Variants in SYNJ1 observed in about 807,000 individuals in gnomAD.
The protein encoded by SYNJ1 is polyphosphatidylinositol phosphatase SYNJ1.
Under a neutral mutation model 168.2 loss-of-function variants are expected in SYNJ1, and 78 were observed. The observed-to-expected ratio is 0.46, with a 90% CI of 0.39 to 0.56. The LOEUF is 0.56. Among genes scored for constraint, SYNJ1 ranks in the 20% least tolerant of loss-of-function variants. SYNJ1 has a pLI of 0.00. For missense variants in SYNJ1, 1,303 were observed against 1,597.6 expected (o/e 0.82, Z 3.14); for synonymous variants, 539 against 548.6 (o/e 0.98, Z 0.24).
intron 2 of SYNJ1, among the ~76,000 whole-genome samples, chr21:32,705,250 T>C (rs1351359191): frequency 6.6e-6 from 1 of 151,914 alleles, no homozygotes; most frequent in Non-Finnish European, 1.5e-5. Flanking sequence ...CATATACATA[T>C]ATAGTTACAT....
chr21:32,664,676 C>T (rs564460803), intron 18 of SYNJ1, among the ~76,000 whole-genome samples: 22 of 152,186 alleles, frequency 1.4e-4, no homozygotes, highest in Non-Finnish European at 2.6e-4. Context: ...GACGTGAGTC[C>T]GCTGCTGCTC....
chr21:32,668,582 T>C (rs1175177593), intron 15 of SYNJ1, among the ~76,000 whole-genome samples: 1 of 152,220 alleles, frequency 6.6e-6, no homozygotes. Context: ...TTTTGCCTAA[T>C]AAAATATTTG....
In SYNJ1 at chr21:32,653,296, C is replaced by G; in HGVS notation, c.2866G>C (p.Gly956Arg). ...AACAAATGCTACCTTACCTCTTTAC[C>G]ATTTAGGCTCAGAACATTCAAGGCA... ...SSALNVLSLNGKELLNRTITI... is the reference protein window; with the variant it reads ...SSALNVLSLNRKELLNRTITI... Residue 956 changes from glycine (G) to arginine (R), a missense_variant, in exon 22 of 33, where the codon GGT becomes CGT. Coordinates refer to ENST00000674351, the MANE Select transcript of SYNJ1 (RefSeq NM_203446.3). 1 of 1,612,952 alleles carries G rather than the reference C, an allele frequency of 6.2e-7. No individual in the cohort carries two copies.
chr21:32,668,991 GA>G (rs1282339987), intron 15 of SYNJ1, among the ~76,000 whole-genome samples: 4 of 148,056 alleles, frequency 2.7e-5, no homozygotes, highest in Admixed American at 1.3e-4. Context: ...ATACTTGCAG[GA>G]AAAAAAAAAT....
In SYNJ1 at chr21:32,687,022, G is replaced by A; in HGVS notation, c.904C>T (p.Leu302Phe). Residue 302 changes from leucine to phenylalanine, a missense_variant, in exon 8 of 33, where the codon CTT (leucine) becomes TTT (phenylalanine). Transcript: ENST00000674351. ...LYGKQIIVNL[L>F]GSKEGEHMLS... Reference sequence around the variant, plus strand: ...ATATGTTCACCTTCCTTAGATCCAAGCAAATTTACTATTATTTGTTTACCA... The same window carrying A: ...ATATGTTCACCTTCCTTAGATCCAAACAAATTTACTATTATTTGTTTACCA... 1 of 1,547,740 alleles carries A rather than the reference G, an allele frequency of 6.5e-7. No individual in the cohort carries two copies.
chr21:32,675,542 G>A (rs1230129810), intron 13 of SYNJ1, among the ~76,000 whole-genome samples: 2 of 152,050 alleles, frequency 1.3e-5, no homozygotes, highest in Non-Finnish European at 2.9e-5. Context: ...CCCTTCTCGA[G>A]AAAATAATCA....
chr21:32,702,192 C>T, intron 2 of SYNJ1, 145 bp from the exon 3 acceptor site: 1 of 532,106 alleles, frequency 1.9e-6, no homozygotes, highest in Non-Finnish European at 3.3e-6. Context: ...AAACTAGTAA[C>T]ATTAGTATTC....
At position 32,646,644 on chromosome 21, in the gene SYNJ1, CTT is replaced by C; in HGVS notation, c.3038-44_3038-43del. On this transcript the variant is annotated intron_variant, in intron 23 of 32. Coordinates refer to ENST00000674351, the MANE Select transcript of SYNJ1 (RefSeq NM_203446.3). The stretch of plus-strand genomic sequence containing the variant: ...TTGATCAGAGATAACTCCATTTTAA[CTT>C]GCTCAGAGATTTTTTTCACCTTAGG... 3 of 1,513,656 alleles carry C rather than the reference CTT, an allele frequency of 2.0e-6. No homozygotes were observed. In the South Asian group the frequency reaches 3.4e-5, roughly 17 times the overall value. The allele number at this position is 1,513,656 out of a possible 1,614,324, so 93.8% of individuals were successfully genotyped here. A position where few individuals can be genotyped will look rare whatever the true frequency, so the allele number is the denominator to read the frequency against.
intron 2 of SYNJ1, among the ~76,000 whole-genome samples, chr21:32,706,471 C>A (rs1350651455): frequency 3.3e-5 from 5 of 149,974 alleles, no homozygotes; most frequent in Admixed American, 6.6e-5. Flanking sequence ...CTTAAAAAGT[C>A]CAGAGAATCC....
chr21:32,646,999 C>G (rs1041271304), intron 23 of SYNJ1, among the ~76,000 whole-genome samples: 1 of 152,174 alleles, frequency 6.6e-6, no homozygotes. Flanking sequence ...TCAGAGTCAA[C>G]AAGCTCTCAG....
intron 3 of SYNJ1, among the ~76,000 whole-genome samples, chr21:32,701,310 A>G (rs1301009100): frequency 6.6e-6 from 1 of 152,158 alleles, no homozygotes; most frequent in Non-Finnish European, 1.5e-5. Flanking sequence ...GAAATCAACT[A>G]TATTACTAAG....
rs188436086 is a variant in SYNJ1 at position 32,704,157 on chromosome 21, G to A, written c.125-2110C>T. 3.9e-5 allele frequency among the ~76,000 whole-genome samples: 6 copies of A among 152,040 alleles called. No homozygotes were observed. The East Asian group carries it at 1.2e-3, about 29-fold the overall frequency. ...TTAATTACACTCCAAATACATAAAC[G>A]TATGTCTCTCAGGACTGATGAAGGC... On this transcript the variant is annotated intron_variant, in intron 2 of 32. Transcript: ENST00000674351.
Position 32,644,949 on chromosome 21 carries a change from A to G in SYNJ1, c.3430+19T>C, listed in dbSNP as rs1272152828. ...TAATGAACCACGATTCACACATGCT[A>G]ACAAATGTAAATGGTTACCTCCAAA... On this transcript the variant is annotated intron_variant, in intron 26 of 32. Transcript: ENST00000674351. 1 of 1,605,878 alleles carries G rather than the reference A, an allele frequency of 6.2e-7. No individual in the cohort carries two copies. Among genetic ancestry groups the G allele is most frequent in the Non-Finnish European group, 8.5e-7 (1 of 1,177,076 alleles).
At chr21:32,715,271 G>A (rs1487980320) in intron 2 of SYNJ1, among the ~76,000 whole-genome samples, 3 of 152,204 alleles carry the variant, frequency 2.0e-5, no homozygotes, top group East Asian at 3.9e-4. Context: ...TCAGGAGTTC[G>A]AGACCAGCCT....
intron 18 of SYNJ1, among the ~76,000 whole-genome samples, chr21:32,660,355 A>G (rs2040642294): frequency 6.6e-6 from 1 of 152,248 alleles, no homozygotes; most frequent in Non-Finnish European, 1.5e-5. Flanking sequence ...AACAAATGCT[A>G]GATTAACCAA....
At chr21:32,633,877 T>A (rs902578796) in intron 32 of SYNJ1, among the ~76,000 whole-genome samples, 2 of 152,198 alleles carry the variant, frequency 1.3e-5, no homozygotes, top group Non-Finnish European at 2.9e-5. Context: ...AGAGAAAACA[T>A]GTCACAGACT....
chr21:32,713,918 G>T (rs908678011), intron 2 of SYNJ1, among the ~76,000 whole-genome samples: 16 of 152,182 alleles, frequency 1.1e-4, no homozygotes, highest in Non-Finnish European at 5.9e-5. Context: ...TATCTTTGCA[G>T]ATCATAATAA....
Position 32,663,298 on chromosome 21 carries a change from G to A in SYNJ1, c.2304+1615C>T, listed in dbSNP as rs547991850. On this transcript the variant is annotated intron_variant, in intron 18 of 32. Coordinates refer to ENST00000674351, the MANE Select transcript of SYNJ1 (RefSeq NM_203446.3). ...AGAAGGAAAAGAATTCACTCACCCC[G>A]TAGGATGACTTAGTTGTCTGGGACA... 5.9e-5 allele frequency among the ~76,000 whole-genome samples: 9 copies of A among 152,274 alleles called. No individual in the cohort carries two copies. In the East Asian group the frequency reaches 1.2e-3, roughly 20 times the overall value.
In SYNJ1 at chr21:32,646,454, AG is replaced by A; in HGVS notation, c.3185del (p.Pro1062LeufsTer92). ...QSPTISEGPV[P>X]SLPIRPSRAP... ...CTCGGCTTGGTCTGATGGGAAGGGA[AG>A]GTACAGGACCCTCTGATATTGTAGG... On this transcript the variant is annotated frameshift_variant, in exon 24 of 33. Transcript: ENST00000674351. LOFTEE classifies it high-confidence loss of function. 1 of 1,614,166 alleles carries A rather than the reference AG, an allele frequency of 6.2e-7. No homozygotes were observed. The highest frequency in any genetic ancestry group is 1.3e-5 in the African/African-American group (1 of 75,030).
Sources: gnomAD v4.1 joint callset for allele counts (sites outside exome capture counted in the v4.1 genomes callset) on GRCh38, gnomAD v4.1.1 for gene constraint, MANE v1.5 for transcripts, NCBI Gene and HGNC (gene_info 2026-07-23, HGNC 2026-07-21) for gene names.